Variants in DLC1 observed in about 807,000 individuals in gnomAD.
DLC1 encodes rho GTPase-activating protein 7.
Under a neutral mutation model 140.3 loss-of-function variants are expected in DLC1, and 54 were observed. The ratio of observed to expected loss-of-function variants is 0.38; its 90% CI spans 0.31 to 0.48. The LOEUF (loss-of-function observed/expected upper bound fraction) is 0.48, where lower values mean the gene tolerates loss of function less well. Ranked by LOEUF, DLC1 falls within the 20% of genes least tolerant of loss-of-function variation. The probability of loss-of-function intolerance (pLI) is 0.96; values close to 1 mark genes in which losing one functional copy is unlikely to be tolerated. For synonymous variants in DLC1, 986 were observed against 728.1 expected (o/e 1.35, Z -5.70); for missense variants, 2,536 against 1,907.0 (o/e 1.33, Z -6.14).
intron 2 of DLC1, among the ~76,000 whole-genome samples, chr8:13,404,256 A>G (rs977211051): frequency 1.3e-5 from 2 of 152,144 alleles, no homozygotes; most frequent in Admixed American, 6.5e-5. Flanking sequence ...TCCAAATAGA[A>G]TGAAAGTCCT....
At chr8:13,594,082 G>A (rs1263661008) in intron 1 of DLC1, among the ~76,000 whole-genome samples, 1 of 152,050 alleles carries the variant, frequency 6.6e-6, no homozygotes, top group Non-Finnish European at 1.5e-5. Flanking sequence ...GATCGCTTGA[G>A]TCCAGGAAGT....
intron 3 of DLC1, among the ~76,000 whole-genome samples, chr8:13,395,615 C>G (rs75195879): frequency 6.6e-6 from 1 of 152,158 alleles, no homozygotes; most frequent in Non-Finnish European, 1.5e-5. Context: ...TTAATTCTCA[C>G]AATAGAAGTA....
intron 5 of DLC1, among the ~76,000 whole-genome samples, chr8:13,265,967 C>G (rs1830672132): frequency 6.6e-6 from 1 of 152,108 alleles, no homozygotes; most frequent in South Asian, 2.1e-4. Flanking sequence ...GCTGTTTACC[C>G]TCTATGTTTA....
intron 5 of DLC1, among the ~76,000 whole-genome samples, chr8:13,129,402 G>C (rs950090254): frequency 3.9e-5 from 6 of 152,180 alleles, no homozygotes; most frequent in African/African-American, 1.2e-4. Context: ...TACACTCTAT[G>C]GTTGGGCATT....
chr8:13,137,416 A>G (rs1016067398), intron 5 of DLC1, among the ~76,000 whole-genome samples: 1 of 152,154 alleles, frequency 6.6e-6, no homozygotes, highest in Non-Finnish European at 1.5e-5. Flanking sequence ...CCAACAGCTT[A>G]GGGTCCTCTG....
At chr8:13,414,955 C>T (rs147368078) in intron 2 of DLC1, among the ~76,000 whole-genome samples, 3,328 of 152,056 alleles carry the variant, frequency 0.022, 138 homozygotes, top group African/African-American at 0.074. Context: ...GGATTACAGG[C>T]GTGCGCCACC....
intron 5 of DLC1, chr8:13,276,292 A>C (rs1233103832): frequency 6.5e-7 from 1 of 1,535,450 alleles, no homozygotes; most frequent in Non-Finnish European, 8.7e-7. Flanking sequence ...GTGTTTTTCC[A>C]AATGACATCC....
intron 5 of DLC1, among the ~76,000 whole-genome samples, chr8:13,122,109 T>G (rs1334019160): frequency 2.6e-5 from 4 of 152,130 alleles, no homozygotes; most frequent in Non-Finnish European, 4.4e-5. Flanking sequence ...CCGTCCTCCT[T>G]CAAGGATCCC....
intron 1 of DLC1, among the ~76,000 whole-genome samples, chr8:13,580,376 C>G (rs1377843098): frequency 6.6e-6 from 1 of 152,196 alleles, no homozygotes; most frequent in African/African-American, 2.4e-5. Flanking sequence ...CCGCGTCGGA[C>G]TCCCAAAGTG....
At chr8:13,111,137 T>G (rs1820076258) in intron 6 of DLC1, among the ~76,000 whole-genome samples, 1 of 152,166 alleles carries the variant, frequency 6.6e-6, no homozygotes, top group Non-Finnish European at 1.5e-5. Context: ...AAATTATAAT[T>G]TAAGCCACAA....
At chr8:13,337,028 G>A (rs1335672120) in intron 4 of DLC1, among the ~76,000 whole-genome samples, 1 of 152,120 alleles carries the variant, frequency 6.6e-6, no homozygotes, top group African/African-American at 2.4e-5. Flanking sequence ...AAAGGCAAAA[G>A]GAAAAGTATA....
At chr8:13,240,812 T>A (rs995922520) in intron 5 of DLC1, among the ~76,000 whole-genome samples, 1 of 152,210 alleles carries the variant, frequency 6.6e-6, no homozygotes, top group African/African-American at 2.4e-5. Context: ...ATATATATAT[T>A]TTCTTTAATT....
At chr8:13,432,648 G>A (rs766000109) in intron 2 of DLC1, among the ~76,000 whole-genome samples, 8 of 152,304 alleles carry the variant, frequency 5.3e-5, no homozygotes, top group Non-Finnish European at 1.0e-4. Context: ...AGTAGGGAAC[G>A]TGTAAAGTGC....
Position 13,094,875 on chromosome 8 carries a change from T to C in DLC1, c.3410A>G (p.Asn1137Ser), listed in dbSNP as rs1457456960. The C allele has an allele frequency of 6.2e-7, 1 of 1,614,234 alleles. No individual in the cohort carries two copies. The highest frequency in any genetic ancestry group is 1.7e-5 in the Admixed American group (1 of 60,028). The change falls in exon 12 of 18, where the codon AAC (asparagine) becomes AGC (serine). Residue 1137 changes from asparagine (N) to serine (S), a missense_variant. Physicochemically the swap from Asn to Ser is conservative, Grantham distance 46. Transcript: ENST00000276297. ...QMNEGAIDCV[N>S]YEGQSAYDVA... Reference sequence around the variant, plus strand: ...GTCATAAGCAGACTGTCCTTCGTAGTTGACACAGTCTATGGCACCTTCATT... The same window carrying C: ...GTCATAAGCAGACTGTCCTTCGTAGCTGACACAGTCTATGGCACCTTCATT...
intron 2 of DLC1, among the ~76,000 whole-genome samples, chr8:13,408,214 T>A (rs1463357205): frequency 6.6e-6 from 1 of 152,220 alleles, no homozygotes. Flanking sequence ...CTAGGCATAT[T>A]ATCTTTTATT....
chr8:13,179,331 T>G (rs1396535249), intron 5 of DLC1, among the ~76,000 whole-genome samples: 1 of 152,138 alleles, frequency 6.6e-6, no homozygotes, highest in South Asian at 2.1e-4. Flanking sequence ...TGTTTCTTGA[T>G]GCGGGTTTTA....
chr8:13,348,538 T>A (rs1304693754), intron 4 of DLC1, among the ~76,000 whole-genome samples: 1 of 152,078 alleles, frequency 6.6e-6, no homozygotes, highest in Non-Finnish European at 1.5e-5. Flanking sequence ...GTTGCTAGAG[T>A]CCATAAGAAA....
Position 13,107,563 on chromosome 8 carries a change from G to C in DLC1, c.1502+3179C>G, listed in dbSNP as rs531868089. On this transcript the variant is annotated intron_variant, in intron 7 of 17. Coordinates refer to ENST00000276297, the MANE Select transcript of DLC1 (RefSeq NM_182643.3). ...TCTATAAAAAGTCTGTCAGTCTAGA[G>C]AGAACTTCTAAATCACAGGGCAAAA... 2.0e-5 allele frequency among the ~76,000 whole-genome samples: 3 copies of C among 152,340 alleles called. No individual in the cohort carries two copies. The East Asian group carries it at 5.8e-4, about 29-fold the overall frequency.
intron 5 of DLC1, among the ~76,000 whole-genome samples, chr8:13,198,366 C>T (rs1027672763): frequency 1.3e-5 from 2 of 152,104 alleles, no homozygotes; most frequent in African/African-American, 2.4e-5. Context: ...GATGCTGAGC[C>T]GGTTCCAGAT....
Sources: allele counts gnomAD v4.1 joint callset (sites outside exome capture counted in the v4.1 genomes callset), GRCh38; gene constraint gnomAD v4.1.1; transcripts MANE v1.5; gene names NCBI Gene and HGNC (gene_info 2026-07-23, HGNC 2026-07-21).